Variants in PDK1 observed in about 807,000 individuals in gnomAD.
PDK1 encodes pyruvate dehydrogenase kinase 1, also known as [Pyruvate dehydrogenase (acetyl-transferring)] kinase isozyme 1, mitochondrial.
Under a neutral mutation model 54.2 loss-of-function variants are expected in PDK1, and 39 were observed. The observed-to-expected ratio is 0.72, with a 90% CI of 0.56 to 0.94. The LOEUF (loss-of-function observed/expected upper bound fraction) is 0.94, where lower values mean the gene tolerates loss of function less well. Among genes scored for constraint, PDK1 ranks in the 40% least tolerant of loss-of-function variants. The pLI is 0.00. For missense variants in PDK1, 552 were observed against 566.0 expected (o/e 0.98, Z 0.25); for synonymous variants, 221 against 207.1 (o/e 1.07, Z -0.58).
the PDK1 span, among the ~76,000 whole-genome samples, chr2:172,651,122 G>A: frequency 2.0e-5 from 3 of 152,086 alleles, no homozygotes; most frequent in East Asian, 1.9e-4. Flanking sequence ...ATAACAAACT[G>A]TCTCTCAGAC....
the PDK1 span, among the ~76,000 whole-genome samples, chr2:172,628,861 G>A: frequency 2.6e-5 from 4 of 152,268 alleles, no homozygotes; most frequent in African/African-American, 7.2e-5. Flanking sequence ...GCTCATGCCT[G>A]TAATCCCAGC....
intron 3 of PDK1, chr2:172,562,683 G>A: frequency 1.1e-5 from 10 of 945,714 alleles, no homozygotes; most frequent in South Asian, 6.8e-5. Flanking sequence ...GATTTGTAAT[G>A]TAAAATCTCT....
intron 8 of PDK1, among the ~76,000 whole-genome samples, chr2:172,579,551 G>A (rs1275027724): frequency 2.4e-5 from 2 of 83,650 alleles, no homozygotes; most frequent in South Asian, 8.2e-4. Context: ...TTGGTGCTTT[G>A]ATAGAGGAGA....
intron 5 of PDK1, among the ~76,000 whole-genome samples, chr2:172,565,769 T>G (rs1558930712): frequency 6.6e-6 from 1 of 152,276 alleles, no homozygotes; most frequent in Non-Finnish European, 1.5e-5. Flanking sequence ...TTGTTGTTTT[T>G]AGAAAATGGG....
intron 10 of PDK1, among the ~76,000 whole-genome samples, chr2:172,593,295 A>G (rs897045407): frequency 1.3e-5 from 2 of 152,210 alleles, no homozygotes; most frequent in African/African-American, 4.8e-5. Flanking sequence ...GTAGAGAATC[A>G]TAAGTTATAT....
the PDK1 span, among the ~76,000 whole-genome samples, chr2:172,634,232 C>T: frequency 2.5e-5 from 3 of 121,660 alleles, no homozygotes; most frequent in African/African-American, 5.6e-5. Context: ...TAGTTCTTGC[C>T]GTGTTAGAAG....
chr2:172,630,666 G>A, the PDK1 span, among the ~76,000 whole-genome samples: 1 of 147,432 alleles, frequency 6.8e-6, no homozygotes, highest in African/African-American at 2.5e-5. Flanking sequence ...GCCTCATTCT[G>A]TCTTTCAGGC....
chr2:172,639,301 G>T, the PDK1 span, among the ~76,000 whole-genome samples: 1 of 152,216 alleles, frequency 6.6e-6, no homozygotes, highest in Admixed American at 6.5e-5. Context: ...ACAGTTACAA[G>T]AATTCAGGAG....
chr2:172,687,183 A>T, the PDK1 span, among the ~76,000 whole-genome samples: 1 of 152,044 alleles, frequency 6.6e-6, no homozygotes, highest in Non-Finnish European at 1.5e-5. Context: ...TCCCAAATAT[A>T]TTTTATTTGA....
chr2:172,638,978 TGA>T, the PDK1 span, among the ~76,000 whole-genome samples: 3 of 152,112 alleles, frequency 2.0e-5, no homozygotes, highest in Non-Finnish European at 4.4e-5. Context: ...CACGACAAGG[TGA>T]GAGAGAAACT....
chr2:172,659,326 C>G, the PDK1 span, among the ~76,000 whole-genome samples: 5 of 152,162 alleles, frequency 3.3e-5, no homozygotes, highest in Non-Finnish European at 5.9e-5. Context: ...CTGTTTCACC[C>G]AAGTAACTAC....
chr2:172,561,494 CA>C (rs1443640028), intron 2 of PDK1, among the ~76,000 whole-genome samples: 4 of 152,198 alleles, frequency 2.6e-5, no homozygotes, highest in African/African-American at 9.7e-5. Context: ...CCAAGTGGAG[CA>C]GATCCCTTAC....
chr2:172,610,748 T>G (rs1017320573), downstream of PDK1, among the ~76,000 whole-genome samples: 1 of 152,064 alleles, frequency 6.6e-6, no homozygotes, highest in Admixed American at 6.6e-5. Flanking sequence ...GTAGCTGAGA[T>G]TACAGGCGCC....
intron 2 of PDK1, 111 bp from the exon 3 acceptor site, chr2:172,562,109 A>G (rs938953552): frequency 1.6e-6 from 1 of 629,304 alleles, no homozygotes; most frequent in African/African-American, 1.9e-5. Context: ...TTATAGCAGT[A>G]TTCTAAATTA....
At chr2:172,690,357 G>T in the PDK1 span, among the ~76,000 whole-genome samples, 1 of 150,336 alleles carries the variant, frequency 6.7e-6, no homozygotes, top group Non-Finnish European at 1.5e-5. Context: ...AACAACAGAT[G>T]CAGGAGAGAA....
intron 8 of PDK1, among the ~76,000 whole-genome samples, chr2:172,584,835 T>G (rs999459104): frequency 1.3e-5 from 2 of 148,544 alleles, no homozygotes; most frequent in Admixed American, 6.7e-5. Flanking sequence ...TTAAAGTTTT[T>G]TTTTTTTTTT....
rs181979859 is a variant in PDK1 at position 172,587,824 on chromosome 2, A to G, written c.1056+1436A>G. Reference sequence around the variant, plus strand: ...CAAACCTTTAGCTAGCTAGACACAGAGTGCTGATTGGTGCATTTACAATCC... The same window carrying G: ...CAAACCTTTAGCTAGCTAGACACAGGGTGCTGATTGGTGCATTTACAATCC... On this transcript the variant is annotated intron_variant, in intron 9 of 10. Transcript: ENST00000282077. Among the ~76,000 whole-genome samples the G allele has an allele frequency of 1.3e-3, 196 of 152,268 alleles. 1 individual carries two copies. Among genetic ancestry groups the G allele is most frequent in the African/African-American group, 4.5e-3 (185 of 41,558 alleles).
the PDK1 span, among the ~76,000 whole-genome samples, chr2:172,676,147 C>T: frequency 6.6e-6 from 1 of 152,146 alleles, no homozygotes; most frequent in Non-Finnish European, 1.5e-5. Flanking sequence ...CCTAGTCACT[C>T]AAGGGCTCTA....
At chr2:172,661,131 G>T in the PDK1 span, among the ~76,000 whole-genome samples, 1 of 152,118 alleles carries the variant, frequency 6.6e-6, no homozygotes, top group Non-Finnish European at 1.5e-5. Context: ...CTGATCAGCA[G>T]CTAGGGCTGA....
Sources: gnomAD v4.1 joint callset for allele counts (sites outside exome capture counted in the v4.1 genomes callset) on GRCh38, gnomAD v4.1.1 for gene constraint, MANE v1.5 for transcripts, NCBI Gene and HGNC (gene_info 2026-07-23, HGNC 2026-07-21) for gene names.